Variants in THRAP3 observed in about 807,000 individuals in gnomAD.
THRAP3 encodes thyroid hormone receptor-associated protein 3.
A neutral mutation model predicts 101.0 loss-of-function variants in THRAP3; 16 were observed. The observed-to-expected ratio is 0.16, with a 90% CI of 0.11 to 0.24. The LOEUF (loss-of-function observed/expected upper bound fraction) is 0.24, where lower values mean the gene tolerates loss of function less well. Ranked by LOEUF, THRAP3 falls within the 10% of genes least tolerant of loss-of-function variation. The pLI is 1.00. For missense variants in THRAP3, 989 were observed against 1,202.7 expected (o/e 0.82, Z 2.63); for synonymous variants, 407 against 422.6 (o/e 0.96, Z 0.45).
intron 1 of THRAP3, among the ~76,000 whole-genome samples, chr1:36,248,830 C>G (rs957192271): frequency 2.0e-5 from 3 of 151,960 alleles, no homozygotes; most frequent in Non-Finnish European, 4.4e-5. Context: ...CTACCATGTA[C>G]CAGGCATTGC....
rs780495559 is a variant in THRAP3, at chr1:36,291,464, G to A, written c.1836G>A (p.Gln612=). ...KKEQEFRSIF[Q]HIQSAQSQRS... ...AACAGGAGTTTCGTTCCATTTTCCA[G>A]CACATACAATCAGCTCAGTCTCAGC... Residue 612 remains glutamine (Q), a synonymous_variant, in exon 6 of 12, where the codon CAG becomes CAA. Coordinates refer to ENST00000354618, the MANE Select transcript of THRAP3 (RefSeq NM_005119.4). The A allele has an allele frequency of 6.2e-7, 1 of 1,614,192 alleles. No homozygotes were observed. Among genetic ancestry groups the A allele is most frequent in the South Asian group, 1.1e-5 (1 of 91,076 alleles).
intron 2 of THRAP3, among the ~76,000 whole-genome samples, chr1:36,263,499 C>T (rs1257600707): frequency 4.6e-5 from 7 of 152,058 alleles, no homozygotes; most frequent in Non-Finnish European, 8.8e-5. Flanking sequence ...AACCACAGGT[C>T]GTTAGTTAAT....
chr1:36,292,264 C>CTTTTTTTTTTTTTTTTTT (rs774003081), intron 6 of THRAP3, among the ~76,000 whole-genome samples: 3 of 20,562 alleles, frequency 1.5e-4, no homozygotes, highest in African/African-American at 4.2e-4. Context: ...TTCTTTGTTT[C>CTTTTTTTTTTTTTTTTTT]TTTTTTTTTT....
At chr1:36,287,983 A>C (rs1181015076) in intron 4 of THRAP3, 1 of 961,428 alleles carries the variant, frequency 1.0e-6, no homozygotes, top group East Asian at 1.1e-4. Context: ...CTAACCCAGC[A>C]AGTGGCTCCC....
intron 5 of THRAP3, 31 bp from the exon 6 acceptor site, chr1:36,291,343 C>G: frequency 6.2e-7 from 1 of 1,605,622 alleles, no homozygotes; most frequent in Non-Finnish European, 8.5e-7. Context: ...GTATTGTGTT[C>G]TAATTGGGCC....
chr1:36,300,839 G>A (rs1304403177), intron 9 of THRAP3, 47 bp from the exon 10 acceptor site: 3 of 1,596,390 alleles, frequency 1.9e-6, no homozygotes, highest in Non-Finnish European at 1.7e-6. Flanking sequence ...GCCAAGCAGT[G>A]TCCCTTAGAA....
intron 1 of THRAP3, among the ~76,000 whole-genome samples, chr1:36,229,794 A>G (rs1181189630): frequency 6.6e-6 from 1 of 151,798 alleles, no homozygotes; most frequent in Admixed American, 6.6e-5. Context: ...CTGGGATTAC[A>G]GGCATGTACC....
At chr1:36,272,933 G>C (rs569937641) in intron 2 of THRAP3, among the ~76,000 whole-genome samples, 1 of 152,310 alleles carries the variant, frequency 6.6e-6, no homozygotes, top group South Asian at 2.1e-4. Flanking sequence ...TTTATTCCTT[G>C]ACTGTATTGT....
At chr1:36,214,264 G>A in the THRAP3 span, among the ~76,000 whole-genome samples, 13 of 152,238 alleles carry the variant, frequency 8.5e-5, no homozygotes, top group African/African-American at 2.7e-4. Flanking sequence ...GGTGAGACCT[G>A]TATAAGCAGC....
chr1:36,282,821 G>T, intron 3 of THRAP3, 121 bp downstream of exon 3: 2 of 1,021,890 alleles, frequency 2.0e-6, no homozygotes, highest in Non-Finnish European at 2.9e-6. Flanking sequence ...GGCTTGAGGT[G>T]CAGGGTTGGG....
intron 2 of THRAP3, among the ~76,000 whole-genome samples, chr1:36,273,862 G>A (rs986286079): frequency 1.3e-5 from 2 of 152,048 alleles, no homozygotes; most frequent in East Asian, 1.9e-4. Context: ...CCAACATGGC[G>A]AAACCCCATC....
At position 36,230,222 on chromosome 1, in the gene THRAP3, G is replaced by A. The variant is rs376164564; in HGVS notation, c.-135+5717G>A. On this transcript the variant is annotated intron_variant, in intron 1 of 11. Coordinates refer to ENST00000354618, the MANE Select transcript of THRAP3 (RefSeq NM_005119.4). The stretch of plus-strand genomic sequence containing the variant: ...CAACTTCCACCTCCCGGGTTCAAGC[G>A]ATTCTCCTGCCTCAGCCTCCCGAGT... 2.2e-4 allele frequency among the ~76,000 whole-genome samples: 33 copies of A among 151,702 alleles called. No individual in the cohort carries two copies. The East Asian group carries it at 5.9e-3, about 27-fold the overall frequency.
chr1:36,250,792 A>T (rs935286528), intron 1 of THRAP3, among the ~76,000 whole-genome samples: 2 of 151,562 alleles, frequency 1.3e-5, no homozygotes, highest in Non-Finnish European at 2.9e-5. Flanking sequence ...GCGCGCCTGT[A>T]ATCCCATCTA....
At position 36,304,125 on chromosome 1, in the gene THRAP3, A is replaced by C. The variant is rs546217428; in HGVS notation, c.*108A>C. ...AGAAGATTCTGAAAATCCTACCCCCACCCCCCACCAGCCGCACAGATTGTA... is the reference window on the plus strand; with the variant it reads ...AGAAGATTCTGAAAATCCTACCCCCCCCCCCCACCAGCCGCACAGATTGTA... On this transcript the variant is annotated 3_prime_UTR_variant, in exon 12 of 12. Coordinates refer to ENST00000354618, the MANE Select transcript of THRAP3 (RefSeq NM_005119.4). 6.5e-6 allele frequency: 9 copies of C among 1,394,466 alleles called. No individual in the cohort carries two copies. Among genetic ancestry groups the C allele is most frequent in the South Asian group, 1.6e-5 (1 of 61,958 alleles). 86.4% of individuals were successfully genotyped at this position (1,394,466 alleles called of 1,614,324 possible).
At chr1:36,213,116 AG>A in the THRAP3 span, among the ~76,000 whole-genome samples, 1 of 152,116 alleles carries the variant, frequency 6.6e-6, no homozygotes, top group Non-Finnish European at 1.5e-5. Flanking sequence ...ATGGCAATGG[AG>A]GGCCTTGGAA....
intron 10 of THRAP3, 129 bp from the exon 11 acceptor site, chr1:36,301,424 C>G: frequency 8.2e-7 from 1 of 1,217,302 alleles, no homozygotes; most frequent in Non-Finnish European, 1.1e-6. Context: ...TGGAAACCAG[C>G]TGACCAGCAT....
intron 2 of THRAP3, among the ~76,000 whole-genome samples, chr1:36,281,858 G>A (rs1341921717): frequency 1.3e-5 from 2 of 152,006 alleles, no homozygotes; most frequent in Admixed American, 1.3e-4. Context: ...ATTACCTGAG[G>A]TCGGGAGTTC....
At chr1:36,227,680 G>C (rs536909363) in intron 1 of THRAP3, among the ~76,000 whole-genome samples, 1 of 152,242 alleles carries the variant, frequency 6.6e-6, no homozygotes, top group Non-Finnish European at 1.5e-5. Context: ...AGGTATGTTA[G>C]TTAAGAGACC....
intron 2 of THRAP3, among the ~76,000 whole-genome samples, chr1:36,272,722 C>A (rs1645606850): frequency 6.6e-6 from 1 of 152,138 alleles, no homozygotes; most frequent in Non-Finnish European, 1.5e-5. Flanking sequence ...TTTCCTACTT[C>A]TTCCCTTTAG....
Sources: gnomAD v4.1 joint callset for allele counts (sites outside exome capture counted in the v4.1 genomes callset) on GRCh38, gnomAD v4.1.1 for gene constraint, MANE v1.5 for transcripts, NCBI Gene and HGNC (gene_info 2026-07-23, HGNC 2026-07-21) for gene names.